Variants in STX8 observed in about 807,000 individuals in gnomAD.
STX8 encodes the protein syntaxin-8.
A neutral mutation model predicts 37.5 loss-of-function variants in STX8; 23 were observed. The observed-to-expected ratio is 0.61, with a 90% confidence interval of 0.44 to 0.87. STX8 has a LOEUF of 0.87. Among genes scored for constraint, STX8 ranks in the 40% least tolerant of loss-of-function variants. The pLI, the probability that STX8 is intolerant of heterozygous loss-of-function variation, is 0.00. For synonymous variants in STX8, 115 were observed against 99.1 expected (o/e 1.16, Z -0.95); for missense variants, 313 against 284.7 (o/e 1.10, Z -0.71).
intron 2 of STX8, among the ~76,000 whole-genome samples, chr17:9,562,408 GA>G (rs112686979): frequency 0.012 from 1,455 of 125,686 alleles, 29 homozygotes; most frequent in African/African-American, 0.038. Flanking sequence ...TCCGTCTCAG[GA>G]AAAAAAAAAA....
chr17:9,543,027 T>C (rs1162479929), intron 4 of STX8, among the ~76,000 whole-genome samples: 3 of 152,198 alleles, frequency 2.0e-5, no homozygotes, highest in Admixed American at 6.5e-5. Context: ...CCCTTCAGCA[T>C]CATTAAGTGG....
intron 1 of STX8, among the ~76,000 whole-genome samples, chr17:9,575,501 G>A (rs1035999127): frequency 1.3e-5 from 2 of 152,170 alleles, no homozygotes; most frequent in African/African-American, 2.4e-5. Context: ...ACCAGGATGG[G>A]CGGGAAATCC....
intron 7 of STX8, among the ~76,000 whole-genome samples, chr17:9,298,828 A>C (rs988421694): frequency 4.0e-5 from 6 of 151,764 alleles, no homozygotes; most frequent in African/African-American, 1.5e-4. Context: ...CAAACAAAAC[A>C]AAACAAAACA....
At chr17:9,311,872 G>C (rs1324825073) in intron 7 of STX8, among the ~76,000 whole-genome samples, 2 of 151,904 alleles carry the variant, frequency 1.3e-5, no homozygotes, top group African/African-American at 2.4e-5. Context: ...TTCTGAGACG[G>C]AGTCTTGCTC....
chr17:9,323,657 C>G (rs1168248982), intron 7 of STX8, among the ~76,000 whole-genome samples: 2 of 152,048 alleles, frequency 1.3e-5, no homozygotes, highest in Non-Finnish European at 2.9e-5. Context: ...CATACGCACA[C>G]AGCACTGGAG....
At chr17:9,469,741 C>T (rs1031816483) in intron 6 of STX8, 1 of 152,128 alleles carries the variant, frequency 6.6e-6, no homozygotes, top group Non-Finnish European at 1.5e-5. Context: ...TGAGTCTTCA[C>T]CTTATCGTCA....
chr17:9,295,706 G>A (rs190100302), intron 7 of STX8, among the ~76,000 whole-genome samples: 133 of 152,086 alleles, frequency 8.7e-4, no homozygotes, highest in African/African-American at 2.7e-3. Flanking sequence ...TCGCGCCACC[G>A]CACTCCAGCG....
intron 6 of STX8, among the ~76,000 whole-genome samples, chr17:9,470,813 G>A (rs1567574734): frequency 1.3e-5 from 2 of 151,722 alleles, no homozygotes; most frequent in African/African-American, 2.4e-5. Context: ...TGCAAGCTCC[G>A]CCTCCCAGGT....
chr17:9,335,805 T>A (rs879804860), intron 7 of STX8, among the ~76,000 whole-genome samples: 20 of 114,886 alleles, frequency 1.7e-4, no homozygotes, highest in Non-Finnish European at 3.1e-4. Context: ...AGGTGGGCTC[T>A]CTCTCTCTCA....
At chr17:9,255,898 T>C (rs915353536) in intron 7 of STX8, among the ~76,000 whole-genome samples, 3 of 152,234 alleles carry the variant, frequency 2.0e-5, no homozygotes, top group Non-Finnish European at 4.4e-5. Context: ...CAATCCTTTT[T>C]CTTTAAGAAG....
intron 2 of STX8, among the ~76,000 whole-genome samples, chr17:9,562,896 T>C (rs1907300743): frequency 6.6e-6 from 1 of 152,032 alleles, no homozygotes; most frequent in African/African-American, 2.4e-5. Flanking sequence ...AACTCACCTT[T>C]AAAAGACACC....
rs1311095859 is a variant in STX8, at chr17:9,518,988, G to A, written c.324-13826C>T. On this transcript the variant is annotated intron_variant, in intron 4 of 7. Transcript: ENST00000306357. Reference sequence around the variant, plus strand: ...TATGGTGGTGAATTCTGAACTAGGGGTGGGGAGGGACGTGCTCTCCTTCCT... The same window carrying A: ...TATGGTGGTGAATTCTGAACTAGGGATGGGGAGGGACGTGCTCTCCTTCCT... Among the ~76,000 whole-genome samples the A allele has an allele frequency of 2.6e-5, 4 of 152,104 alleles. No individual in the cohort carries two copies. The South Asian group carries it at 8.3e-4, about 31-fold the overall frequency.
chr17:9,509,531 G>A (rs544254897), intron 4 of STX8, among the ~76,000 whole-genome samples: 2 of 152,050 alleles, frequency 1.3e-5, no homozygotes, highest in Non-Finnish European at 2.9e-5. Context: ...AGTCTTACAA[G>A]AAGTGCTCAA....
chr17:9,395,559 C>T (rs199628858), intron 6 of STX8, among the ~76,000 whole-genome samples: 1 of 152,086 alleles, frequency 6.6e-6, no homozygotes, highest in African/African-American at 2.4e-5. Context: ...GCCTGGGAGA[C>T]GGAGCAAGAC....
At chr17:9,450,837 C>A (rs1274209551) in intron 6 of STX8, among the ~76,000 whole-genome samples, 2 of 151,810 alleles carry the variant, frequency 1.3e-5, no homozygotes, top group African/African-American at 4.8e-5. Context: ...TGTAGACATA[C>A]CTGCTCTTAA....
intron 6 of STX8, among the ~76,000 whole-genome samples, chr17:9,455,805 A>C (rs2142410126): frequency 6.6e-6 from 1 of 152,324 alleles, no homozygotes; most frequent in Middle Eastern, 3.4e-3. Context: ...AAGTGGGCTA[A>C]CTCTGTAACA....
At chr17:9,369,999 A>C (rs1911355343) in intron 7 of STX8, among the ~76,000 whole-genome samples, 1 of 151,554 alleles carries the variant, frequency 6.6e-6, no homozygotes, top group African/African-American at 2.4e-5. Flanking sequence ...CAATCACTTG[A>C]GGCTGGGGGG....
intron 5 of STX8, among the ~76,000 whole-genome samples, chr17:9,493,173 G>A (rs1906929649): frequency 6.6e-6 from 1 of 152,054 alleles, no homozygotes; most frequent in Non-Finnish European, 1.5e-5. Flanking sequence ...TGAGGTGAGA[G>A]GATTGGTTGA....
At chr17:9,537,809 T>G (rs756382209) in intron 4 of STX8, among the ~76,000 whole-genome samples, 22 of 152,242 alleles carry the variant, frequency 1.4e-4, no homozygotes, top group Non-Finnish European at 3.1e-4. Flanking sequence ...GTATTAACCA[T>G]ACAGTCTCCC....
Sources: gnomAD v4.1 joint callset for allele counts (sites outside exome capture counted in the v4.1 genomes callset) on GRCh38, gnomAD v4.1.1 for gene constraint, MANE v1.5 for transcripts, NCBI Gene and HGNC (gene_info 2026-07-23, HGNC 2026-07-21) for gene names.